ZNF148: variants seen among roughly 807,000 people sequenced by gnomAD.
ZNF148 encodes the protein zinc finger protein 148.
ZNF148 carries 7 observed loss-of-function variants against 67.7 expected under a neutral mutation model. The ratio of observed to expected loss-of-function variants is 0.10; its 90% confidence interval spans 0.06 to 0.19. The LOEUF is 0.19. ZNF148 is among the 10% of genes least tolerant of loss of function. ZNF148 has a pLI of 1.00. For missense variants in ZNF148, 583 were observed against 947.1 expected, an observed-to-expected ratio of 0.62 and a Z score of 5.05; for synonymous variants, 333 against 330.7, an observed-to-expected ratio of 1.01 and a Z score of -0.08.
intron 2 of ZNF148, among the ~76,000 whole-genome samples, 158 bp from the exon 3 acceptor site, chr3:125,323,602 T>C (rs1481080942): frequency 2.0e-5 from 3 of 152,194 alleles, no homozygotes; most frequent in Non-Finnish European, 2.9e-5. Context: ...GTTTTTATGT[T>C]TGAAATTGGG....
intron 1 of ZNF148, among the ~76,000 whole-genome samples, chr3:125,363,075 T>C (rs1351899592): frequency 6.6e-6 from 1 of 152,156 alleles, no homozygotes; most frequent in Non-Finnish European, 1.5e-5. Flanking sequence ...TACATTTTCA[T>C]TCTTCATATG....
chr3:125,232,791 G>A lies in ZNF148; in HGVS notation c.1935C>T (p.Ser645=), dbSNP rs778261705. 2 of 1,613,866 alleles carry A rather than the reference G, an allele frequency of 1.2e-6. No homozygotes were observed. Among genetic ancestry groups the A allele is most frequent in the South Asian group, 2.2e-5 (2 of 91,074 alleles). The change falls in exon 9 of 9, where the codon TCC becomes TCT. Residue 645 remains serine, a synonymous_variant. Coordinates refer to ENST00000360647, the MANE Select transcript of ZNF148 (RefSeq NM_021964.3). This position sits in a 1 kb window ranked among gnomAD's most constrained non-coding sequence, Gnocchi z 4.2. ...TGGTGGCATAGACCTGCTTGTCTATGGAAGAGAATGCTGGCTGATTTGGGA... is the reference window on the plus strand; with the variant it reads ...TGGTGGCATAGACCTGCTTGTCTATAGAAGAGAATGCTGGCTGATTTGGGA... ...QTLPNQPAFS[S]IDKQVYATMP... is the part of the protein sequence containing the mutation.
At chr3:125,335,445 A>G (rs2107721069) in intron 1 of ZNF148, among the ~76,000 whole-genome samples, 1 of 152,314 alleles carries the variant, frequency 6.6e-6, no homozygotes, top group South Asian at 2.1e-4. Flanking sequence ...AACCAGCCTA[A>G]ATGGGGTTTG....
chr3:125,233,827 T>A lies in ZNF148; in HGVS notation c.899A>T (p.Asp300Val), dbSNP rs200235631. ...IKGGLLTSEE[D>V]SGFSTSPKDN... ...TTTTGGTGATGTAGAAAAGCCAGAA[T>A]CTTCCTCAGATGTCAGAAGGCCACC... is the stretch of plus-strand genomic sequence containing the variant. Residue 300 changes from aspartate (D) to valine (V), a missense_variant, in exon 9 of 9, where the codon GAT becomes GTT. Coordinates refer to ENST00000360647, the MANE Select transcript of ZNF148 (RefSeq NM_021964.3). This position sits in a 1 kb window ranked among gnomAD's most constrained non-coding sequence, Gnocchi z 5.1. 8.5e-5 allele frequency: 137 copies of A among 1,613,652 alleles called. No homozygotes were observed. Among genetic ancestry groups the A allele is most frequent in the Non-Finnish European group, 1.1e-4 (126 of 1,179,864 alleles).
chr3:125,334,048 T>C (rs1343955279), intron 1 of ZNF148, among the ~76,000 whole-genome samples: 3 of 152,238 alleles, frequency 2.0e-5, no homozygotes, highest in African/African-American at 7.2e-5. Context: ...TGGTACAAAC[T>C]TGTATACCTA....
Position 125,227,554 on chromosome 3 carries a change from C to T in ZNF148, c.*4787G>A, listed in dbSNP as rs1935690769. ...TAAATTCAGCACTACACAGTATGCCCTTGAAGTAAAATGAGGTTACCTGCT... is the reference window on the plus strand; with the variant it reads ...TAAATTCAGCACTACACAGTATGCCTTTGAAGTAAAATGAGGTTACCTGCT... On this transcript the variant is annotated 3_prime_UTR_variant, in exon 9 of 9. Transcript: ENST00000360647. The T allele has an allele frequency of 1.3e-5, 2 of 152,516 alleles. No individual in the cohort carries two copies. The allele number at this position is 152,516 out of a possible 1,614,324, so 9.4% of individuals were successfully genotyped here. A position where few individuals can be genotyped will look rare whatever the true frequency, so the allele number is the denominator to read the frequency against.
rs771692232 is a variant in ZNF148, at chr3:125,226,555, C to T, written c.*5786G>A. The T allele has an allele frequency of 1.3e-5, 2 of 152,436 alleles. No homozygotes were observed. The highest frequency in any genetic ancestry group is 4.2e-4 in the South Asian group (2 of 4,816). 9.4% of individuals were successfully genotyped at this position (152,436 alleles called of 1,614,324 possible). ...ACTATATGACAATAGTGTTGAAAGC[C>T]GTGAAACTCATTAAACCTCTTATCA... On this transcript the variant is annotated 3_prime_UTR_variant, in exon 9 of 9. Coordinates refer to ENST00000360647, the MANE Select transcript of ZNF148 (RefSeq NM_021964.3).
chr3:125,272,207 G>A (rs919889665), intron 7 of ZNF148, among the ~76,000 whole-genome samples: 1 of 152,182 alleles, frequency 6.6e-6, no homozygotes, highest in Non-Finnish European at 1.5e-5. Flanking sequence ...AAATTCTAAA[G>A]CACAGGTTGT....
At chr3:125,325,649 G>C (rs889979428) in intron 2 of ZNF148, among the ~76,000 whole-genome samples, 2 of 152,000 alleles carry the variant, frequency 1.3e-5, no homozygotes, top group Non-Finnish European at 2.9e-5. Flanking sequence ...TATTTTTGTA[G>C]AGACAGGGTT....
At chr3:125,314,550 C>T (rs1208151242) in intron 3 of ZNF148, among the ~76,000 whole-genome samples, 1 of 152,134 alleles carries the variant, frequency 6.6e-6, no homozygotes, top group Non-Finnish European at 1.5e-5. Flanking sequence ...ATACTCTTTC[C>T]TTTACTAAGG....
At chr3:125,292,125 C>T (rs548592650) in intron 4 of ZNF148, among the ~76,000 whole-genome samples, 3 of 152,296 alleles carry the variant, frequency 2.0e-5, no homozygotes, top group Non-Finnish European at 4.4e-5. Context: ...AACAGGAAGA[C>T]TTCAAATTCC....
rs1296647581 is a variant in ZNF148 at position 125,228,375 on chromosome 3, G to A, written c.*3966C>T. The A allele has an allele frequency of 1.3e-5, 2 of 152,570 alleles. No homozygotes were observed. The highest frequency in any genetic ancestry group is 6.6e-5 in the Admixed American group (1 of 15,266). 9.5% of individuals were successfully genotyped at this position (152,570 alleles called of 1,614,324 possible). On this transcript the variant is annotated 3_prime_UTR_variant, in exon 9 of 9. Coordinates refer to ENST00000360647, the MANE Select transcript of ZNF148 (RefSeq NM_021964.3). ...TCCCCTGCAACTTCAATTATGCTGTGTAAACAGTGTTACGTTCCAATAGGA... is the reference window on the plus strand; with the variant it reads ...TCCCCTGCAACTTCAATTATGCTGTATAAACAGTGTTACGTTCCAATAGGA...
At chr3:125,266,401 G>A (rs1245445943) in intron 7 of ZNF148, among the ~76,000 whole-genome samples, 1 of 152,080 alleles carries the variant, frequency 6.6e-6, no homozygotes, top group Non-Finnish European at 1.5e-5. Flanking sequence ...AATAAAAATA[G>A]GTATCAATAC....
intron 2 of ZNF148, among the ~76,000 whole-genome samples, chr3:125,329,349 ACATATATAAAAT>A (rs1430316173): frequency 1.6e-3 from 26 of 15,978 alleles, no homozygotes; most frequent in African/African-American, 7.4e-3. Flanking sequence ...ATAAAATTTT[ACATATATAAAAT>A]TTTTTTTTTT....
chr3:125,356,362 A>G (rs564202009), intron 1 of ZNF148, among the ~76,000 whole-genome samples: 11 of 152,328 alleles, frequency 7.2e-5, no homozygotes, highest in African/African-American at 2.6e-4. Context: ...CAGACTGGTA[A>G]TCTCAAGCAA....
chr3:125,275,191 A>T (rs1280777923), intron 7 of ZNF148, among the ~76,000 whole-genome samples: 1 of 152,248 alleles, frequency 6.6e-6, no homozygotes, highest in Non-Finnish European at 1.5e-5. Flanking sequence ...AGGGAACAAT[A>T]GGGCAGAATT....
rs779391419 is a variant in ZNF148, at chr3:125,313,630, T to C, written c.11A>G (p.Asp4Gly). 1 of 1,612,226 alleles carries C rather than the reference T, an allele frequency of 6.2e-7. No homozygotes were observed. The highest frequency in any genetic ancestry group is 8.5e-7 in the Non-Finnish European group (1 of 1,178,434). The stretch of plus-strand genomic sequence containing the variant: ...AAGAAACAATCCTTCCAGTTTGTCG[T>C]CAATGTTCATGCTTAAGTATAACTG... MNI[D>G]DKLEGLFLKC... The change falls in exon 4 of 9, where the codon GAC (aspartate) becomes GGC (glycine). Residue 4 changes from aspartate to glycine, a missense_variant. Transcript: ENST00000360647.
chr3:125,317,713 A>AT lies in ZNF148; in HGVS notation c.-16-4058dup, dbSNP rs71625788. ...TACACACACACATATATATATATAT[A>AT]TTTTTTTTTTTTTCTGGTAAGAAAC... is the stretch of plus-strand genomic sequence containing the variant. On this transcript the variant is annotated intron_variant, in intron 3 of 8. Transcript: ENST00000360647. Among the ~76,000 whole-genome samples, 783 of 134,562 alleles carry AT rather than the reference A, an allele frequency of 5.8e-3. 7 individuals are homozygous for AT. Among genetic ancestry groups the AT allele is most frequent in the African/African-American group, 0.014 (512 of 36,168 alleles). The allele number at this position is 134,562 out of a possible 152,430, so 88.3% of individuals were successfully genotyped here.
chr3:125,244,867 C>T (rs1424266101), intron 7 of ZNF148, among the ~76,000 whole-genome samples: 2 of 152,144 alleles, frequency 1.3e-5, no homozygotes, highest in Non-Finnish European at 2.9e-5. Flanking sequence ...TTGAAACTCA[C>T]TTTTGCCTTG....
Sources: allele counts gnomAD v4.1 joint callset (sites outside exome capture counted in the v4.1 genomes callset), GRCh38; gene constraint gnomAD v4.1.1; non-coding constraint Gnocchi (gnomAD v3.1); transcripts MANE v1.5; gene names NCBI Gene and HGNC (gene_info 2026-07-23, HGNC 2026-07-21).